The following DAB1 variants were observed in gnomAD, a reference collection of about 807,000 sequenced individuals.
DAB1 encodes the protein disabled homolog 1.
In DAB1, 15 loss-of-function variants were observed where a neutral mutation model predicts 64.6. The ratio of observed to expected loss-of-function variants is 0.23; its 90% confidence interval spans 0.16 to 0.36. The LOEUF (loss-of-function observed/expected upper bound fraction) is 0.36. DAB1 is among the 10% of genes least tolerant of loss of function. The probability of loss-of-function intolerance (pLI) is 1.00; values close to 1 mark genes in which losing one functional copy is unlikely to be tolerated. For missense variants in DAB1, 596 were observed against 706.7 expected (o/e 0.84, Z 1.78); for synonymous variants, 235 against 251.9 (o/e 0.93, Z 0.64).
chr1:57,063,528 G>A (rs1031231510), intron 8 of DAB1, among the ~76,000 whole-genome samples: 2 of 152,112 alleles, frequency 1.3e-5, no homozygotes, highest in Non-Finnish European at 2.9e-5. Flanking sequence ...TCTTGAGGGC[G>A]TTTAACATTA....
chr1:57,105,965 G>A (rs554675862), intron 4 of DAB1, among the ~76,000 whole-genome samples: 36 of 152,228 alleles, frequency 2.4e-4, no homozygotes, highest in African/African-American at 8.2e-4. Context: ...TCCAGGCTTG[G>A]ATGCTTCCTG....
intron 4 of DAB1, among the ~76,000 whole-genome samples, chr1:58,161,842 T>A (rs1344306213): frequency 6.6e-6 from 1 of 152,172 alleles, no homozygotes; most frequent in Non-Finnish European, 1.5e-5. Context: ...ATTGACTTTA[T>A]TACTTCTCGA....
chr1:58,165,794 G>C (rs1234774411), intron 4 of DAB1, among the ~76,000 whole-genome samples: 1 of 152,210 alleles, frequency 6.6e-6, no homozygotes, highest in Non-Finnish European at 1.5e-5. Context: ...CTGTTGTAAA[G>C]ATAAGAAATG....
At chr1:57,239,985 G>A (rs1440791465) in intron 2 of DAB1, among the ~76,000 whole-genome samples, 1 of 152,182 alleles carries the variant, frequency 6.6e-6, no homozygotes, top group African/African-American at 2.4e-5. Flanking sequence ...TTTTGACTCT[G>A]ATTATTTGAA....
At chr1:57,219,258 C>A (rs1217013655) in intron 2 of DAB1, among the ~76,000 whole-genome samples, 6 of 119,514 alleles carry the variant, frequency 5.0e-5, no homozygotes, top group Non-Finnish European at 6.9e-5. Context: ...TAAAAAGAGG[C>A]ATTTCAACAC....
intron 2 of DAB1, among the ~76,000 whole-genome samples, chr1:57,198,649 T>TCTCTCTCTCACACA (rs1477522407): frequency 7.8e-6 from 1 of 128,264 alleles, no homozygotes; most frequent in East Asian, 2.2e-4. Context: ...CTTCTCTCTC[T>TCTCTCTCTCACACA]CACACACACA....
At chr1:57,958,198 G>A (rs921268318) in intron 5 of DAB1, among the ~76,000 whole-genome samples, 1 of 151,944 alleles carries the variant, frequency 6.6e-6, no homozygotes, top group African/African-American at 2.4e-5. Flanking sequence ...GGCTGGTCTC[G>A]AACTCCTGAC....
At chr1:57,385,815 G>T (rs765788453) in intron 1 of DAB1, among the ~76,000 whole-genome samples, 3 of 152,192 alleles carry the variant, frequency 2.0e-5, no homozygotes, top group African/African-American at 4.8e-5. Flanking sequence ...GTACCATGGA[G>T]TCTACCAAAT....
intron 1 of DAB1, among the ~76,000 whole-genome samples, chr1:57,394,926 C>T (rs772074194): frequency 7.9e-5 from 12 of 152,192 alleles, no homozygotes; most frequent in Non-Finnish European, 1.8e-4. Flanking sequence ...ATGGATGCAA[C>T]CCACTTTCTA....
chr1:57,854,832 C>A (rs550185130), intron 1 of DAB1, among the ~76,000 whole-genome samples: 1 of 152,278 alleles, frequency 6.6e-6, no homozygotes, highest in Non-Finnish European at 1.5e-5. Flanking sequence ...CAAGGACACC[C>A]TGAAAAGGGC....
At chr1:58,492,251 A>C (rs1645709041) in intron 3 of DAB1, among the ~76,000 whole-genome samples, 1 of 152,250 alleles carries the variant, frequency 6.6e-6, no homozygotes, top group Non-Finnish European at 1.5e-5. Flanking sequence ...AATCTCTGAG[A>C]CACATTCAAA....
intron 7 of DAB1, among the ~76,000 whole-genome samples, chr1:57,555,779 C>T (rs1341579427): frequency 6.6e-6 from 1 of 152,186 alleles, no homozygotes; most frequent in Admixed American, 6.5e-5. Context: ...ATTTTCAGTA[C>T]ATCACTGTTG....
chr1:57,776,069 C>T (rs1649784124), intron 6 of DAB1, among the ~76,000 whole-genome samples: 1 of 151,576 alleles, frequency 6.6e-6, no homozygotes. Flanking sequence ...TACTTTTAGC[C>T]TATCTGTGTC....
chr1:57,360,305 C>T (rs1248737989), intron 1 of DAB1, among the ~76,000 whole-genome samples: 1 of 152,048 alleles, frequency 6.6e-6, no homozygotes, highest in Non-Finnish European at 1.5e-5. Flanking sequence ...AACCCAGCCA[C>T]TTGTCAAAAG....
chr1:58,184,922 T>C (rs1441255990), intron 4 of DAB1, among the ~76,000 whole-genome samples: 1 of 152,150 alleles, frequency 6.6e-6, no homozygotes, highest in East Asian at 1.9e-4. Context: ...TATGGCTGAA[T>C]ATGTGTCTAA....
At chr1:57,523,975 C>A (rs925573916) in intron 7 of DAB1, among the ~76,000 whole-genome samples, 2 of 151,874 alleles carry the variant, frequency 1.3e-5, no homozygotes, top group Non-Finnish European at 2.9e-5. Context: ...AAAATGAGTT[C>A]TATAAATGAA....
chr1:58,402,467 A>G (rs1644579684), intron 3 of DAB1, among the ~76,000 whole-genome samples: 1 of 152,228 alleles, frequency 6.6e-6, no homozygotes, highest in Admixed American at 6.5e-5. Context: ...TCTGCAATGG[A>G]AGAGAAAGAC....
chr1:58,345,205 C>T (rs1643981916), intron 3 of DAB1, among the ~76,000 whole-genome samples: 1 of 152,208 alleles, frequency 6.6e-6, no homozygotes, highest in Non-Finnish European at 1.5e-5. Context: ...AGACCTTAGC[C>T]TACCTCAGTA....
chr1:57,514,147 A>G (rs12073810), intron 7 of DAB1, among the ~76,000 whole-genome samples: 10,598 of 152,224 alleles, frequency 0.07, 1,135 homozygotes, highest in African/African-American at 0.23. Flanking sequence ...TGATAAACAT[A>G]GAAGTGCAGA....
Sources: allele counts gnomAD v4.1 joint callset (sites outside exome capture counted in the v4.1 genomes callset), GRCh38; gene constraint gnomAD v4.1.1; transcripts MANE v1.5; gene names NCBI Gene and HGNC (gene_info 2026-07-23, HGNC 2026-07-21).